Variants in C8orf34 observed in about 807,000 individuals in gnomAD.
C8orf34 encodes the protein chromosome 8 open reading frame 34, also known as uncharacterized protein C8orf34.
C8orf34 carries 65 observed loss-of-function variants against 68.3 expected under a neutral mutation model. The observed-to-expected ratio is 0.95, with a 90% CI of 0.78 to 1.17. The LOEUF is 1.17. Among genes scored for constraint, C8orf34 ranks in the 50% most tolerant of loss-of-function variants. C8orf34 has a pLI of 0.00. For missense variants in C8orf34, 664 were observed against 655.4 expected (o/e 1.01, Z -0.14); for synonymous variants, 244 against 241.2 (o/e 1.01, Z -0.11).
intron 7 of C8orf34, among the ~76,000 whole-genome samples, chr8:68,603,451 A>C (rs1027918805): frequency 2.0e-5 from 3 of 151,618 alleles, no homozygotes; most frequent in Middle Eastern, 3.4e-3. Flanking sequence ...GTTCATCTGG[A>C]ATATACCCAG....
At chr8:68,466,550 C>A (rs920031641) in intron 3 of C8orf34, among the ~76,000 whole-genome samples, 3 of 151,386 alleles carry the variant, frequency 2.0e-5, no homozygotes, top group Admixed American at 1.3e-4. Context: ...ATGGAAGTAT[C>A]TTTATGGTAA....
rs550168006 is a variant in C8orf34 at position 68,525,740 on chromosome 8, C to T, written c.938+3769C>T. ...GAGGTTCACAACAATCTTCCCAGCT[C>T]TGTGATCATCAATGATTTTAGATTC... On this transcript the variant is annotated intron_variant, in intron 6 of 13. Transcript: ENST00000518698. 152 of 633,652 alleles carry T rather than the reference C, an allele frequency of 2.4e-4. 2 individuals carry two copies. Among genetic ancestry groups the T allele is most frequent in the Middle Eastern group, 1.9e-3 (4 of 2,096 alleles). The allele number at this position is 633,652 out of a possible 1,614,324, so 39.3% of individuals were successfully genotyped here.
chr8:68,603,473 T>C (rs1459914230), intron 7 of C8orf34, among the ~76,000 whole-genome samples: 4 of 151,822 alleles, frequency 2.6e-5, no homozygotes, highest in African/African-American at 9.7e-5. Flanking sequence ...TCATGGTATA[T>C]TTATAAGTGG....
intron 7 of C8orf34, among the ~76,000 whole-genome samples, chr8:68,614,203 G>C (rs1243930186): frequency 6.6e-6 from 1 of 151,982 alleles, no homozygotes; most frequent in East Asian, 1.9e-4. Flanking sequence ...TTTGTCAGAT[G>C]AGTAGGTTGC....
chr8:68,808,197 T>C (rs1457987647), intron 12 of C8orf34, among the ~76,000 whole-genome samples: 1 of 152,236 alleles, frequency 6.6e-6, no homozygotes, highest in Non-Finnish European at 1.5e-5. Context: ...TTTTAAAAAA[T>C]ATTTTATCCA....
At chr8:68,569,695 T>G (rs911236067) in intron 7 of C8orf34, among the ~76,000 whole-genome samples, 2 of 152,226 alleles carry the variant, frequency 1.3e-5, no homozygotes, top group African/African-American at 4.8e-5. Flanking sequence ...TTTAGCTAAG[T>G]TGTCAGAGTA....
At chr8:68,412,750 T>G (rs1006479484) in intron 1 of C8orf34, among the ~76,000 whole-genome samples, 5 of 152,172 alleles carry the variant, frequency 3.3e-5, no homozygotes, top group Non-Finnish European at 5.9e-5. Flanking sequence ...CCCTCTGTAG[T>G]CTCGCTTTCA....
intron 8 of C8orf34, among the ~76,000 whole-genome samples, chr8:68,698,565 C>A (rs1820901357): frequency 6.6e-6 from 1 of 152,022 alleles, no homozygotes; most frequent in Non-Finnish European, 1.5e-5. Context: ...ATATGTGAGG[C>A]AGCCTTCAGT....
At chr8:68,604,488 A>G (rs1303009840) in intron 7 of C8orf34, among the ~76,000 whole-genome samples, 1 of 152,182 alleles carries the variant, frequency 6.6e-6, no homozygotes, top group African/African-American at 2.4e-5. Context: ...CAAATTAGTT[A>G]TAGCAATAAG....
rs143482548 is a variant in C8orf34 at position 68,343,185 on chromosome 8, C to A, written c.327+11846C>A. Among the ~76,000 whole-genome samples the A allele has an allele frequency of 1.2e-3, 179 of 152,228 alleles. 4 individuals are homozygous for A. In the East Asian group the frequency reaches 0.03, roughly 26 times the overall value. On this transcript the variant is annotated intron_variant, in intron 1 of 13. Transcript: ENST00000518698. ...GAGACATTTCACATAAGGGTCTATA[C>A]TGATGGTAAATAAGCACATGAAAAG...
At chr8:68,685,165 T>C (rs1296373094) in intron 8 of C8orf34, among the ~76,000 whole-genome samples, 1 of 152,166 alleles carries the variant, frequency 6.6e-6, no homozygotes, top group African/African-American at 2.4e-5. Flanking sequence ...AACCTATTGT[T>C]ATTTCAAACT....
intron 10 of C8orf34, among the ~76,000 whole-genome samples, chr8:68,723,793 T>A (rs748566650): frequency 1.1e-4 from 16 of 152,132 alleles, no homozygotes; most frequent in Admixed American, 2.0e-4. Flanking sequence ...TAATAATACA[T>A]AAAAATGCAA....
chr8:68,341,781 G>A (rs755508805), intron 1 of C8orf34, among the ~76,000 whole-genome samples: 3 of 152,170 alleles, frequency 2.0e-5, no homozygotes, highest in Non-Finnish European at 2.9e-5. Flanking sequence ...AAGCTGAGCC[G>A]ATGCCAGTGC....
intron 1 of C8orf34, among the ~76,000 whole-genome samples, chr8:68,373,568 T>C (rs1807657001): frequency 1.3e-5 from 2 of 152,250 alleles, no homozygotes; most frequent in Admixed American, 1.3e-4. Context: ...GCTTTAATGC[T>C]GTAGCCAAGA....
intron 5 of C8orf34, among the ~76,000 whole-genome samples, chr8:68,508,138 T>G (rs997821930): frequency 6.6e-6 from 1 of 152,246 alleles, no homozygotes; most frequent in African/African-American, 2.4e-5. Context: ...TTTCTGAGTT[T>G]TGCTTGCAAA....
intron 1 of C8orf34, among the ~76,000 whole-genome samples, chr8:68,344,264 C>A (rs556364072): frequency 9.2e-4 from 140 of 152,166 alleles, no homozygotes; most frequent in African/African-American, 3.2e-3. Context: ...ATGCAAAAAT[C>A]TAGGTGAATT....
intron 3 of C8orf34, among the ~76,000 whole-genome samples, chr8:68,452,785 A>C (rs542703572): frequency 2.6e-4 from 38 of 147,566 alleles, no homozygotes; most frequent in African/African-American, 9.2e-4. Flanking sequence ...CAATTGATCT[A>C]TTTTCCTTTT....
chr8:68,632,173 G>A (rs891297349), intron 7 of C8orf34, among the ~76,000 whole-genome samples: 6 of 152,184 alleles, frequency 3.9e-5, no homozygotes, highest in Non-Finnish European at 7.3e-5. Context: ...TCTAGGCTGA[G>A]GTGGTGTCAG....
chr8:68,491,226 GTTA>G (rs1382285468), intron 5 of C8orf34, among the ~76,000 whole-genome samples: 2 of 151,042 alleles, frequency 1.3e-5, no homozygotes, highest in African/African-American at 2.4e-5. Flanking sequence ...TGAAACAGAG[GTTA>G]TTATTTTTTA....
Sources: gnomAD v4.1 joint callset for allele counts (sites outside exome capture counted in the v4.1 genomes callset) on GRCh38, gnomAD v4.1.1 for gene constraint, MANE v1.5 for transcripts, NCBI Gene and HGNC (gene_info 2026-07-23, HGNC 2026-07-21) for gene names.